Variants in SLC35D4 observed in about 807,000 individuals in gnomAD.
The protein encoded by SLC35D4 is UDP-N-acetylglucosamine transporter SLC35D4.
the SLC35D4 span, among the ~76,000 whole-genome samples, chr18:23,382,054 A>G: frequency 6.6e-6 from 1 of 152,058 alleles, no homozygotes; most frequent in Admixed American, 6.6e-5. Flanking sequence ...TCTGGCTAAC[A>G]TGGTGAAACC....
At chr18:23,344,016 A>G in the SLC35D4 span, among the ~76,000 whole-genome samples, 20 of 151,620 alleles carry the variant, frequency 1.3e-4, no homozygotes, top group East Asian at 3.7e-3. Flanking sequence ...CTCCTGCCTC[A>G]GCCTCCAGAG....
At chr18:23,435,967 A>AT in the SLC35D4 span, among the ~76,000 whole-genome samples, 2 of 151,200 alleles carry the variant, frequency 1.3e-5, no homozygotes, top group Non-Finnish European at 2.9e-5. Context: ...AAGTGCTCGG[A>AT]TTACAGGCCT....
chr18:23,317,211 A>G, the SLC35D4 span, among the ~76,000 whole-genome samples: 6 of 152,166 alleles, frequency 3.9e-5, no homozygotes, highest in Non-Finnish European at 1.5e-5. Flanking sequence ...CATATCAACC[A>G]AATAAAAATT....
At chr18:23,399,211 G>T in the SLC35D4 span, among the ~76,000 whole-genome samples, 1 of 152,210 alleles carries the variant, frequency 6.6e-6, no homozygotes, top group Non-Finnish European at 1.5e-5. Flanking sequence ...CAGAAGCAAG[G>T]AGTAGTTTGG....
chr18:23,337,344 G>A, the SLC35D4 span, among the ~76,000 whole-genome samples: 1 of 151,800 alleles, frequency 6.6e-6, no homozygotes. Context: ...GCATGGTGGC[G>A]GGCACCTGTA....
At chr18:23,311,839 C>T in the SLC35D4 span, among the ~76,000 whole-genome samples, 1 of 152,026 alleles carries the variant, frequency 6.6e-6, no homozygotes, top group South Asian at 2.1e-4. Context: ...CCCCCCACCC[C>T]CTTCATTAGT....
At chr18:23,411,179 G>GGAAGGAAGGAGAGAAAGA in the SLC35D4 span, among the ~76,000 whole-genome samples, 555 of 146,096 alleles carry the variant, frequency 3.8e-3, 8 homozygotes, top group African/African-American at 0.014. Flanking sequence ...AAGGAGGGAA[G>GGAAGGAAGGAGAGAAAGA]GAAGGAAGGA....
the SLC35D4 span, among the ~76,000 whole-genome samples, chr18:23,249,395 C>T: frequency 3.6e-4 from 55 of 152,244 alleles, no homozygotes; most frequent in African/African-American, 1.3e-3. Flanking sequence ...AGTGGCCAAA[C>T]CAGGAGTGGG....
the SLC35D4 span, among the ~76,000 whole-genome samples, chr18:23,344,998 A>G: frequency 3.3e-5 from 5 of 152,200 alleles, no homozygotes; most frequent in Non-Finnish European, 5.9e-5. Flanking sequence ...TTGGTGTCAT[A>G]TCTAAGAATC....
At chr18:23,395,599 T>C in the SLC35D4 span, among the ~76,000 whole-genome samples, 1 of 152,236 alleles carries the variant, frequency 6.6e-6, no homozygotes, top group Non-Finnish European at 1.5e-5. Flanking sequence ...TTGAGCCAAA[T>C]TGCCAATGCC....
At chr18:23,421,360 G>C in the SLC35D4 span, 1 of 1,613,104 alleles carries the variant, frequency 6.2e-7, no homozygotes, top group Non-Finnish European at 8.5e-7. Flanking sequence ...GCATAGAGAG[G>C]TTATACCTTG....
the SLC35D4 span, among the ~76,000 whole-genome samples, chr18:23,311,104 CTTT>C: frequency 4.9e-5 from 7 of 142,254 alleles, no homozygotes; most frequent in Admixed American, 7.1e-5. Flanking sequence ...TTTCTCTTCC[CTTT>C]TTTTTTTTTT....
the SLC35D4 span, among the ~76,000 whole-genome samples, chr18:23,320,310 T>C: frequency 1.3e-5 from 2 of 152,238 alleles, no homozygotes; most frequent in South Asian, 4.1e-4. Flanking sequence ...GATAAATTAT[T>C]AATTTCAGAT....
At chr18:23,423,360 C>T in the SLC35D4 span, among the ~76,000 whole-genome samples, 2 of 152,244 alleles carry the variant, frequency 1.3e-5, no homozygotes, top group Non-Finnish European at 2.9e-5. Flanking sequence ...TGGTCCAGTA[C>T]AGTGATTCTC....
chr18:23,300,325 C>A, the SLC35D4 span, among the ~76,000 whole-genome samples: 1 of 152,136 alleles, frequency 6.6e-6, no homozygotes, highest in Non-Finnish European at 1.5e-5. Context: ...TCACCACGAC[C>A]GGATGCAAGG....
the SLC35D4 span, among the ~76,000 whole-genome samples, chr18:23,286,638 T>C: frequency 2.3e-4 from 35 of 151,962 alleles, no homozygotes; most frequent in Admixed American, 1.7e-3. Context: ...ATATGGAGGC[T>C]ACCCACTCCA....
chr18:23,349,181 T>G, the SLC35D4 span, among the ~76,000 whole-genome samples: 9 of 152,398 alleles, frequency 5.9e-5, no homozygotes, highest in African/African-American at 1.9e-4. Context: ...CTGAACTTAC[T>G]GAATCTGTAA....
chr18:23,367,982 A>G, the SLC35D4 span, among the ~76,000 whole-genome samples: 4 of 152,202 alleles, frequency 2.6e-5, no homozygotes, highest in South Asian at 8.3e-4. Context: ...TGTTCTAGTA[A>G]GCAGGCTTAT....
At chr18:23,240,887 C>G in the SLC35D4 span, among the ~76,000 whole-genome samples, 1 of 152,208 alleles carries the variant, frequency 6.6e-6, no homozygotes, top group Non-Finnish European at 1.5e-5. Flanking sequence ...TTTCACCCAT[C>G]AAATCCTGCT....
Sources: gnomAD v4.1 joint callset for allele counts (sites outside exome capture counted in the v4.1 genomes callset) on GRCh38, gnomAD v4.1.1 for gene constraint, MANE v1.5 for transcripts, NCBI Gene and HGNC (gene_info 2026-07-23, HGNC 2026-07-21) for gene names.